Variants in ARHGAP15 observed in about 807,000 individuals in gnomAD.
ARHGAP15 encodes Rho GTPase activating protein 15.
In ARHGAP15, 51 loss-of-function variants were observed where a neutral mutation model predicts 63.7. The observed-to-expected ratio is 0.80, with a 90% CI of 0.64 to 1.01. The LOEUF is 1.01. Ranked by LOEUF, ARHGAP15 falls within the 50% of genes least tolerant of loss-of-function variation. The probability of loss-of-function intolerance (pLI) is 0.00; values close to 1 mark genes in which losing one functional copy is unlikely to be tolerated. For missense variants in ARHGAP15, 560 were observed against 564.6 expected (o/e 0.99, Z 0.08); for synonymous variants, 191 against 193.8 (o/e 0.99, Z 0.12).
At chr2:143,738,100 A>G (rs1434053651) in intron 13 of ARHGAP15, among the ~76,000 whole-genome samples, 1 of 150,720 alleles carries the variant, frequency 6.6e-6, no homozygotes, top group Admixed American at 6.6e-5. Flanking sequence ...CAGCATATAT[A>G]TATTTTTTAA....
intron 6 of ARHGAP15, among the ~76,000 whole-genome samples, chr2:143,384,990 A>G (rs1687217864): frequency 6.6e-6 from 1 of 152,164 alleles, no homozygotes; most frequent in African/African-American, 2.4e-5. Context: ...AAAAGCCCAT[A>G]CTGTCAAGCA....
At position 143,424,564 on chromosome 2, in the gene ARHGAP15, C is replaced by T. The variant is rs570374648; in HGVS notation, c.475-11037C>T. On this transcript the variant is annotated intron_variant, in intron 6 of 13. Coordinates refer to ENST00000295095, the MANE Select transcript of ARHGAP15 (RefSeq NM_018460.4). ...TCCTTTAGAGATGCTGTATACTTTC[C>T]TTCCTCTGAATCTTTGTACAAGCTT... is the stretch of plus-strand genomic sequence containing the variant. Among the ~76,000 whole-genome samples the T allele has an allele frequency of 2.0e-5, 3 of 152,042 alleles. No homozygotes were observed. In the East Asian group the frequency reaches 5.8e-4, roughly 29 times the overall value.
At chr2:143,194,207 T>A (rs1397639125) in intron 2 of ARHGAP15, among the ~76,000 whole-genome samples, 1 of 152,208 alleles carries the variant, frequency 6.6e-6, no homozygotes, top group Non-Finnish European at 1.5e-5. Flanking sequence ...TGCTATTGTT[T>A]TCTGTTGTCT....
intron 11 of ARHGAP15, among the ~76,000 whole-genome samples, chr2:143,621,473 A>G (rs1698645306): frequency 6.6e-6 from 1 of 152,166 alleles, no homozygotes. Flanking sequence ...GCCTTGCAAA[A>G]TTTGCCTTAA....
At chr2:143,409,074 C>A (rs1473581052) in intron 6 of ARHGAP15, among the ~76,000 whole-genome samples, 1 of 151,928 alleles carries the variant, frequency 6.6e-6, no homozygotes, top group Non-Finnish European at 1.5e-5. Flanking sequence ...TGATCTCTGA[C>A]ACTTTTTATT....
intron 6 of ARHGAP15, among the ~76,000 whole-genome samples, chr2:143,383,724 G>A (rs1687152876): frequency 6.6e-6 from 1 of 152,122 alleles, no homozygotes; most frequent in Non-Finnish European, 1.5e-5. Flanking sequence ...GTAATTATGT[G>A]CCTAAAGTAT....
chr2:143,146,912 T>C (rs1689614572), intron 1 of ARHGAP15, among the ~76,000 whole-genome samples: 1 of 152,062 alleles, frequency 6.6e-6, no homozygotes, highest in African/African-American at 2.4e-5. Context: ...TATCTGACTG[T>C]TGTCAATTAC....
intron 12 of ARHGAP15, among the ~76,000 whole-genome samples, chr2:143,664,862 A>G (rs1682067705): frequency 1.3e-5 from 2 of 152,196 alleles, no homozygotes; most frequent in Admixed American, 6.5e-5. Flanking sequence ...CCAAGACTAA[A>G]CCAGGAAGAA....
At chr2:143,377,134 GTA>G (rs1686849154) in intron 6 of ARHGAP15, among the ~76,000 whole-genome samples, 1 of 151,934 alleles carries the variant, frequency 6.6e-6, no homozygotes, top group South Asian at 2.1e-4. Context: ...CTAATAAAAT[GTA>G]TCTTAAAACA....
Position 143,458,361 on chromosome 2 carries a change from A to G in ARHGAP15, c.703+21319A>G, listed in dbSNP as rs1185310358. On this transcript the variant is annotated intron_variant, in intron 8 of 13. Transcript: ENST00000295095. ...TGCAGCTATAGTGAACGGCATCAGG[A>G]TGGTCTGAAGGCACTTGAAATCTAA... Among the ~76,000 whole-genome samples, 5 of 152,178 alleles carry G rather than the reference A, an allele frequency of 3.3e-5. No individual in the cohort carries two copies. In the East Asian group the frequency reaches 7.7e-4, roughly 23 times the overall value.
chr2:143,692,613 G>A (rs1683660359), intron 12 of ARHGAP15, among the ~76,000 whole-genome samples: 2 of 152,312 alleles, frequency 1.3e-5, no homozygotes, highest in East Asian at 1.9e-4. Context: ...TTAAACCAGT[G>A]TAGCCCTTCG....
chr2:143,586,356 T>C (rs1697107574), intron 11 of ARHGAP15, among the ~76,000 whole-genome samples: 3 of 152,120 alleles, frequency 2.0e-5, no homozygotes, highest in South Asian at 4.1e-4. Context: ...AATTTTTTTT[T>C]CTGTGGCATT....
intron 3 of ARHGAP15, among the ~76,000 whole-genome samples, chr2:143,211,740 AT>A (rs1692570185): frequency 2.0e-5 from 3 of 152,140 alleles, no homozygotes. Context: ...ATTTATCATC[AT>A]TATTAGTGTT....
At chr2:143,482,455 A>C (rs1016827208) in intron 8 of ARHGAP15, among the ~76,000 whole-genome samples, 1 of 152,160 alleles carries the variant, frequency 6.6e-6, no homozygotes, top group African/African-American at 2.4e-5. Flanking sequence ...CAAGTTTCTA[A>C]AAGTATGTGT....
At chr2:143,273,836 C>A (rs1681416318) in intron 6 of ARHGAP15, among the ~76,000 whole-genome samples, 1 of 151,958 alleles carries the variant, frequency 6.6e-6, no homozygotes, top group Non-Finnish European at 1.5e-5. Flanking sequence ...CTATTTATTG[C>A]TAATTTATTT....
chr2:143,762,533 C>CA (rs1334891060), intron 13 of ARHGAP15, among the ~76,000 whole-genome samples: 1 of 152,070 alleles, frequency 6.6e-6, no homozygotes. Flanking sequence ...GCCAGGGTGG[C>CA]ATAGGAGGAT....
chr2:143,663,801 G>A (rs1361245944), intron 12 of ARHGAP15, among the ~76,000 whole-genome samples: 1 of 151,970 alleles, frequency 6.6e-6, no homozygotes, highest in Non-Finnish European at 1.5e-5. Flanking sequence ...AACCAACAAA[G>A]ATCAAAAGGG....
chr2:143,536,382 T>A (rs1694760979), intron 10 of ARHGAP15, among the ~76,000 whole-genome samples: 1 of 152,310 alleles, frequency 6.6e-6, no homozygotes, highest in Non-Finnish European at 1.5e-5. Flanking sequence ...GCAGGATTTT[T>A]TTTTTTATTA....
intron 6 of ARHGAP15, among the ~76,000 whole-genome samples, chr2:143,413,978 G>A (rs1688574949): frequency 2.0e-5 from 1 of 50,680 alleles, no homozygotes; most frequent in African/African-American, 9.2e-5. Context: ...CGCGCTCTCT[G>A]GCAGAAAGTT....
Sources: gnomAD v4.1 joint callset for allele counts (sites outside exome capture counted in the v4.1 genomes callset) on GRCh38, gnomAD v4.1.1 for gene constraint, MANE v1.5 for transcripts, NCBI Gene and HGNC (gene_info 2026-07-23, HGNC 2026-07-21) for gene names.